NFIL3: variants seen among roughly 807,000 people sequenced by gnomAD.
NFIL3 encodes nuclear factor, interleukin 3 regulated.
Under a neutral mutation model 10.0 loss-of-function variants are expected in NFIL3, and 5 were observed. The observed-to-expected ratio is 0.50, with a 90% CI of 0.26 to 1.06. The LOEUF is 1.06. NFIL3 is among the 50% of genes least tolerant of loss of function. The pLI is 0.13. For synonymous variants in NFIL3, 202 were observed against 206.5 expected (o/e 0.98, Z 0.19); for missense variants, 436 against 547.6 (o/e 0.80, Z 2.03).
chr9:91,454,215 CAG>C, the NFIL3 span, among the ~76,000 whole-genome samples: 1 of 136,818 alleles, frequency 7.3e-6, no homozygotes, highest in Non-Finnish European at 1.5e-5. Flanking sequence ...GTCTGGGAGA[CAG>C]AGTGAGACTC....
chr9:91,418,322 G>GT (rs1441146294), intron 1 of NFIL3, among the ~76,000 whole-genome samples: 7 of 152,198 alleles, frequency 4.6e-5, no homozygotes, highest in African/African-American at 1.4e-4. Context: ...ACTGATCAGT[G>GT]TAGCAACTAA....
chr9:91,410,510 C>T lies in NFIL3; in HGVS notation c.225G>A (p.Met75Ile). Residue 75 changes from methionine (M) to isoleucine (I), a missense_variant, in exon 2 of 2, where the codon ATG becomes ATA. Met to Ile is a conservative substitution (Grantham distance 10). Coordinates refer to ENST00000297689, the MANE Select transcript of NFIL3 (RefSeq NM_005384.3). This position sits in a 1 kb window ranked among gnomAD's most constrained non-coding sequence, Gnocchi z 5.7. The part of the protein sequence containing the change: ...EFIPDEKKDA[M>I]YWEKRRKNNE... ...TATTTTTCCGCCTTTTTTCCCAATA[C>T]ATAGCATCTTTCTTTTCATCAGGAA... 4 of 1,614,156 alleles carry T rather than the reference C, an allele frequency of 2.5e-6. No homozygotes were observed. Among genetic ancestry groups the T allele is most frequent in the Non-Finnish European group, 3.4e-6 (4 of 1,180,020 alleles).
intron 1 of NFIL3, among the ~76,000 whole-genome samples, chr9:91,421,384 G>C (rs1417500937): frequency 6.6e-6 from 1 of 152,022 alleles, no homozygotes. Context: ...TCCTCCCTCC[G>C]GGTGGGCGGC....
At chr9:91,478,621 C>A in the NFIL3 span, among the ~76,000 whole-genome samples, 1 of 152,028 alleles carries the variant, frequency 6.6e-6, no homozygotes, top group Non-Finnish European at 1.5e-5. Flanking sequence ...TGTTATTACC[C>A]ACCTTCTGAA....
chr9:91,444,815 C>A, the NFIL3 span, among the ~76,000 whole-genome samples: 1 of 152,124 alleles, frequency 6.6e-6, no homozygotes. Context: ...TAGAGATTCT[C>A]CTGTACTTTT....
chr9:91,443,104 T>C, the NFIL3 span, among the ~76,000 whole-genome samples: 1 of 152,112 alleles, frequency 6.6e-6, no homozygotes, highest in Non-Finnish European at 1.5e-5. Flanking sequence ...TATCTAGCTC[T>C]CAGTAGAGAG....
chr9:91,442,696 T>G, the NFIL3 span, among the ~76,000 whole-genome samples: 1 of 152,160 alleles, frequency 6.6e-6, no homozygotes, highest in African/African-American at 2.4e-5. Flanking sequence ...ATGTACCACA[T>G]GTGGCTTCTG....
intron 1 of NFIL3, among the ~76,000 whole-genome samples, chr9:91,414,224 A>G (rs1464964696): frequency 6.6e-6 from 1 of 152,200 alleles, no homozygotes; most frequent in Non-Finnish European, 1.5e-5. Flanking sequence ...TGTTTTTGAG[A>G]CAGAGTTTCA....
the NFIL3 span, among the ~76,000 whole-genome samples, chr9:91,459,099 C>T: frequency 6.6e-6 from 1 of 152,138 alleles, no homozygotes; most frequent in Admixed American, 6.5e-5. Context: ...CCCATGTGGG[C>T]TGTTAGTCTG....
At chr9:91,453,821 A>G in the NFIL3 span, among the ~76,000 whole-genome samples, 3 of 152,124 alleles carry the variant, frequency 2.0e-5, no homozygotes, top group Non-Finnish European at 4.4e-5. Context: ...CTTGAGATTT[A>G]TCTTTTTAGC....
At chr9:91,428,032 CTT>C (rs1833888877), upstream of NFIL3, among the ~76,000 whole-genome samples, 1 of 152,210 alleles carries the variant, frequency 6.6e-6, no homozygotes, top group Admixed American at 6.5e-5. Context: ...TCAGTGTGTG[CTT>C]TTTGCTGGGA....
chr9:91,424,566 C>T (rs1564160530), upstream of NFIL3, among the ~76,000 whole-genome samples: 2 of 152,212 alleles, frequency 1.3e-5, no homozygotes, highest in South Asian at 2.1e-4. Context: ...CTCCCGAGAG[C>T]CGCGACGGCC....
At chr9:91,414,580 C>T (rs1185230417) in intron 1 of NFIL3, among the ~76,000 whole-genome samples, 1 of 152,170 alleles carries the variant, frequency 6.6e-6, no homozygotes, top group Non-Finnish European at 1.5e-5. Flanking sequence ...TTTTAATCAT[C>T]TTCTTCCTAT....
the NFIL3 span, among the ~76,000 whole-genome samples, chr9:91,436,140 A>G: frequency 6.6e-6 from 1 of 152,218 alleles, no homozygotes; most frequent in South Asian, 2.1e-4. Context: ...GGACAGAGAA[A>G]CTGCATCTGC....
chr9:91,483,420 G>C, the NFIL3 span, among the ~76,000 whole-genome samples: 1 of 152,300 alleles, frequency 6.6e-6, no homozygotes, highest in South Asian at 2.1e-4. Flanking sequence ...TCCCCAGCAG[G>C]AGTCTGGAGT....
the NFIL3 span, among the ~76,000 whole-genome samples, chr9:91,470,518 T>C: frequency 2.0e-5 from 3 of 151,992 alleles, no homozygotes; most frequent in East Asian, 1.9e-4. Flanking sequence ...GTCTCTATCT[T>C]CTTCAGTTCT....
At chr9:91,435,208 A>G in the NFIL3 span, among the ~76,000 whole-genome samples, 1 of 152,114 alleles carries the variant, frequency 6.6e-6, no homozygotes, top group Non-Finnish European at 1.5e-5. Flanking sequence ...CCTCTAAATG[A>G]TCAGAACCCA....
At chr9:91,478,053 A>C in the NFIL3 span, among the ~76,000 whole-genome samples, 1 of 152,224 alleles carries the variant, frequency 6.6e-6, no homozygotes, top group East Asian at 1.9e-4. Context: ...TGTGGGTAAC[A>C]CAACCTTTCT....
chr9:91,423,268 G>A (rs1364648475), intron 1 of NFIL3, among the ~76,000 whole-genome samples: 1 of 152,146 alleles, frequency 6.6e-6, no homozygotes, highest in Admixed American at 6.5e-5. Context: ...ACACTAGAGA[G>A]GAAAGAGCAT....
Sources: gnomAD v4.1 joint callset for allele counts (sites outside exome capture counted in the v4.1 genomes callset) on GRCh38, gnomAD v4.1.1 for gene constraint, Gnocchi (gnomAD v3.1) non-coding constraint, MANE v1.5 for transcripts, NCBI Gene and HGNC (gene_info 2026-07-23, HGNC 2026-07-21) for gene names.